The following PCDHGA6 variants were observed in gnomAD, a reference collection of about 807,000 sequenced individuals.
PCDHGA6 encodes the protein protocadherin gamma-A6.
PCDHGA6 carries 41 observed loss-of-function variants against 60.6 expected under a neutral mutation model. That is an observed-to-expected ratio of 0.68 (90% confidence interval 0.53 to 0.88). PCDHGA6 has a LOEUF of 0.88. Among genes scored for constraint, PCDHGA6 ranks in the 40% least tolerant of loss-of-function variants. The pLI, the probability that PCDHGA6 is intolerant of heterozygous loss-of-function variation, is 0.00. For missense variants in PCDHGA6, 1,312 were observed against 1,203.0 expected (o/e 1.09, Z -1.34); for synonymous variants, 594 against 524.4 (o/e 1.13, Z -1.81).
chr5:141,488,793 C>G (rs1274193018), intron 1 of PCDHGA6, among the ~76,000 whole-genome samples: 1 of 152,172 alleles, frequency 6.6e-6, no homozygotes, highest in African/African-American at 2.4e-5. Context: ...TTTGTCTTCC[C>G]TGTTGAGTAC....
intron 1 of PCDHGA6, chr5:141,419,863 G>T (rs1416582920): frequency 6.2e-7 from 1 of 1,614,108 alleles, no homozygotes; most frequent in Non-Finnish European, 8.5e-7. Flanking sequence ...CAGATAGCTT[G>T]CAAGAGGTAC....
intron 1 of PCDHGA6, among the ~76,000 whole-genome samples, chr5:141,488,115 G>A (rs936010936): frequency 1.4e-4 from 21 of 152,298 alleles, no homozygotes; most frequent in Middle Eastern, 3.4e-3. Flanking sequence ...TTGAAACATA[G>A]AGACAGCAGA....
intron 1 of PCDHGA6, chr5:141,388,313 T>C: frequency 6.2e-7 from 1 of 1,613,738 alleles, no homozygotes; most frequent in Non-Finnish European, 8.5e-7. Flanking sequence ...TGCAAATAAG[T>C]GAGTCTGCAC....
At chr5:141,414,812 T>C (rs1389980970) in intron 1 of PCDHGA6, 1 of 1,614,172 alleles carries the variant, frequency 6.2e-7, no homozygotes, top group South Asian at 1.1e-5. Flanking sequence ...GATCCTCCAC[T>C]CAGCAGCAAC....
chr5:141,479,521 T>A (rs4912607), intron 1 of PCDHGA6: 2 of 152,104 alleles, frequency 1.3e-5, no homozygotes, highest in Non-Finnish European at 2.9e-5. Context: ...CTGGCCCAGG[T>A]TGGAAGTGGA....
rs779065098 is a variant in PCDHGA6, at chr5:141,491,758, C to G, written c.2425-3049C>G. The G allele has an allele frequency of 1.9e-6, 3 of 1,578,788 alleles. No individual in the cohort carries two copies. The highest frequency in any genetic ancestry group is 1.7e-4 in the Middle Eastern group (1 of 5,954). ...TGGGGGCGGCACTGGAGAAGCCGCCCGTCCTCATAAGGGATTGAACTTGCA... is the reference window on the plus strand; with the variant it reads ...TGGGGGCGGCACTGGAGAAGCCGCCGGTCCTCATAAGGGATTGAACTTGCA... On this transcript the variant is annotated intron_variant, in intron 1 of 3. Transcript: ENST00000517434. This position sits in a 1 kb window ranked among gnomAD's most constrained non-coding sequence, Gnocchi z 6.9.
At chr5:141,405,567 G>A in intron 1 of PCDHGA6, 2 of 608,222 alleles carry the variant, frequency 3.3e-6, no homozygotes, top group Non-Finnish European at 5.8e-6. Context: ...TGGGACTAGA[G>A]TAGAGTAGCT....
rs933089146 is a variant in PCDHGA6, at chr5:141,490,786, A to G, written c.2425-4021A>G. ...GTATGTCAACCCAGAGGATGGACGGATCTTTGCCCAGCGTACCTTTGACTA... is the reference window on the plus strand; with the variant it reads ...GTATGTCAACCCAGAGGATGGACGGGTCTTTGCCCAGCGTACCTTTGACTA... On this transcript the variant is annotated intron_variant, in intron 1 of 3. Coordinates refer to ENST00000517434, the MANE Select transcript of PCDHGA6 (RefSeq NM_018919.3). This position sits in a 1 kb window ranked among gnomAD's most constrained non-coding sequence, Gnocchi z 5.4. The G allele has an allele frequency of 1.9e-6, 3 of 1,614,056 alleles. No individual in the cohort carries two copies. The highest frequency in any genetic ancestry group is 1.7e-5 in the Admixed American group (1 of 60,016).
chr5:141,389,924 T>A (rs749120978), intron 1 of PCDHGA6: 13 of 1,614,062 alleles, frequency 8.1e-6, no homozygotes, highest in Non-Finnish European at 1.0e-5. Flanking sequence ...CCGACCCCTC[T>A]GACCTCCAGG....
In PCDHGA6 at chr5:141,491,177, T is replaced by G; in HGVS notation, c.2425-3630T>G. The G allele has an allele frequency of 6.2e-7, 1 of 1,614,158 alleles. No homozygotes were observed. Among genetic ancestry groups the G allele is most frequent in the Non-Finnish European group, 8.5e-7 (1 of 1,180,010 alleles). Reference sequence around the variant, plus strand: ...GACTCTGACACCCAGCAGGTGGTGGTCCTGGTGAGGGACAATGGTGACCCT... The same window carrying G: ...GACTCTGACACCCAGCAGGTGGTGGGCCTGGTGAGGGACAATGGTGACCCT... On this transcript the variant is annotated intron_variant, in intron 1 of 3. Transcript: ENST00000517434. This position sits in a 1 kb window ranked among gnomAD's most constrained non-coding sequence, Gnocchi z 6.9.
At chr5:141,435,052 T>C (rs922871138) in intron 1 of PCDHGA6, among the ~76,000 whole-genome samples, 1 of 152,174 alleles carries the variant, frequency 6.6e-6, no homozygotes, top group African/African-American at 2.4e-5. Context: ...CCATTGACCA[T>C]GCAGCAGTTT....
At chr5:141,409,652 A>G in intron 1 of PCDHGA6, 1 of 1,613,654 alleles carries the variant, frequency 6.2e-7, no homozygotes, top group Non-Finnish European at 8.5e-7. Flanking sequence ...TTTGGGGCTC[A>G]ATGGCCACAT....
At chr5:141,428,142 C>T in intron 1 of PCDHGA6, 1 of 1,594,260 alleles carries the variant, frequency 6.3e-7, no homozygotes, top group Non-Finnish European at 8.6e-7. Flanking sequence ...CCTGGGGCTG[C>T]ACACGGGAAC....
At position 141,376,509 on chromosome 5, in the gene PCDHGA6, T is replaced by C; in HGVS notation, c.2424+2T>C. On this transcript the variant is annotated splice_donor_variant, in intron 1 of 3. Coordinates refer to ENST00000517434, the MANE Select transcript of PCDHGA6 (RefSeq NM_018919.3). LOFTEE classifies it high-confidence loss of function. ...AAAGGAGAACCCAGGCAACTTCAGG[T>C]GAGTTTCTTTCCGCCTAAGCGGGAA... The C allele has an allele frequency of 6.2e-7, 1 of 1,613,934 alleles. No individual in the cohort carries two copies. Among genetic ancestry groups the C allele is most frequent in the Admixed American group, 1.7e-5 (1 of 59,998 alleles).
chr5:141,494,021 G>C (rs1036188621), intron 1 of PCDHGA6, among the ~76,000 whole-genome samples: 2 of 152,158 alleles, frequency 1.3e-5, no homozygotes, highest in African/African-American at 2.4e-5. Context: ...CCCCTTGGGA[G>C]CCCTGGAGAC....
At chr5:141,433,212 T>C (rs747556366) in intron 1 of PCDHGA6, 75 of 1,570,956 alleles carry the variant, frequency 4.8e-5, no homozygotes, top group Non-Finnish European at 6.2e-5. Flanking sequence ...TTCTTTCTTT[T>C]TTTTTTTTAA....
intron 1 of PCDHGA6, chr5:141,441,529 A>C (rs1042479748): frequency 4.6e-5 from 8 of 172,366 alleles, no homozygotes; most frequent in African/African-American, 1.9e-4. Flanking sequence ...GGCCAAGAAC[A>C]ATCTTCCCAA....
chr5:141,405,141 A>T (rs749502643), intron 1 of PCDHGA6: 4 of 1,613,862 alleles, frequency 2.5e-6, no homozygotes, highest in African/African-American at 1.3e-5. Flanking sequence ...GCTACCAGTG[A>T]TGGGTTGGCT....
Position 141,490,102 on chromosome 5 carries a change from G to A in PCDHGA6, c.2425-4705G>A, listed in dbSNP as rs377649214. On this transcript the variant is annotated intron_variant, in intron 1 of 3. Coordinates refer to ENST00000517434, the MANE Select transcript of PCDHGA6 (RefSeq NM_018919.3). The surrounding 1 kb of genome is among the most constrained non-coding windows in gnomAD (Gnocchi z 5.4). ...TTCTTTTGGAGACCACACATCTGAG[G>A]CAGTGCGGAACCTCTTTGGCCTAGA... 4.3e-6 allele frequency: 7 copies of A among 1,614,144 alleles called. No homozygotes were observed. The African/African-American group carries it at 9.3e-5, about 22-fold the overall frequency.
Sources: gnomAD v4.1 joint callset for allele counts (sites outside exome capture counted in the v4.1 genomes callset) on GRCh38, gnomAD v4.1.1 for gene constraint, Gnocchi (gnomAD v3.1) non-coding constraint, MANE v1.5 for transcripts, NCBI Gene and HGNC (gene_info 2026-07-23, HGNC 2026-07-21) for gene names.